The following KCNH1 variants were observed in gnomAD, a reference collection of about 807,000 sequenced individuals.
The protein encoded by KCNH1 is voltage-gated delayed rectifier potassium channel KCNH1.
KCNH1 carries 27 observed loss-of-function variants against 69.2 expected under a neutral mutation model. The ratio of observed to expected loss-of-function variants is 0.39; its 90% CI spans 0.29 to 0.54. The LOEUF is 0.54. KCNH1 is among the 20% of genes least tolerant of loss of function. KCNH1 has a pLI of 0.68. For synonymous variants in KCNH1, 456 were observed against 487.7 expected (o/e 0.93, Z 0.86); for missense variants, 798 against 1,261.6 (o/e 0.63, Z 5.57).
At chr1:211,065,441 G>C (rs1413057812) in intron 5 of KCNH1, among the ~76,000 whole-genome samples, 4 of 152,180 alleles carry the variant, frequency 2.6e-5, no homozygotes, top group South Asian at 4.1e-4. Context: ...AAGTTGAATA[G>C]AAGTAGAGAG....
At chr1:211,123,702 G>A (rs768190775) in intron 1 of KCNH1, among the ~76,000 whole-genome samples, 1 of 152,052 alleles carries the variant, frequency 6.6e-6, no homozygotes, top group African/African-American at 2.4e-5. Context: ...TGGGGCAAAG[G>A]CCAGGCCCAC....
At chr1:211,131,774 C>A (rs1691880205) in intron 1 of KCNH1, among the ~76,000 whole-genome samples, 1 of 152,112 alleles carries the variant, frequency 6.6e-6, no homozygotes. Flanking sequence ...AGATGAGAAC[C>A]ATTTATTCTG....
chr1:210,871,162 G>A (rs1355885398), intron 7 of KCNH1, among the ~76,000 whole-genome samples: 2 of 151,994 alleles, frequency 1.3e-5, no homozygotes, highest in African/African-American at 2.4e-5. Context: ...TCTGACAAAG[G>A]GCTAATATCC....
intron 9 of KCNH1, among the ~76,000 whole-genome samples, chr1:210,777,674 G>A (rs1683889030): frequency 6.6e-6 from 1 of 152,134 alleles, no homozygotes; most frequent in South Asian, 2.1e-4. Context: ...TGCCCACAAT[G>A]GCTCATGCAC....
chr1:210,818,193 GGAT>G (rs1462962618), intron 7 of KCNH1, among the ~76,000 whole-genome samples: 1 of 152,080 alleles, frequency 6.6e-6, no homozygotes, highest in Non-Finnish European at 1.5e-5. Flanking sequence ...AACTTGAAAT[GGAT>G]GATATTATAC....
At chr1:211,016,554 AG>A (rs2102412136) in intron 6 of KCNH1, among the ~76,000 whole-genome samples, 1 of 152,218 alleles carries the variant, frequency 6.6e-6, no homozygotes, top group East Asian at 1.9e-4. Context: ...TATTTTCCTA[AG>A]AAAAAAATTT....
At chr1:210,743,684 T>C (rs1395346962) in intron 10 of KCNH1, among the ~76,000 whole-genome samples, 1 of 152,190 alleles carries the variant, frequency 6.6e-6, no homozygotes, top group Non-Finnish European at 1.5e-5. Flanking sequence ...GTTTAAATAT[T>C]TCAACAGCCA....
At chr1:211,008,388 A>T (rs1689325003) in intron 6 of KCNH1, among the ~76,000 whole-genome samples, 1 of 152,224 alleles carries the variant, frequency 6.6e-6, no homozygotes, top group African/African-American at 2.4e-5. Flanking sequence ...TTTCAACAGA[A>T]TAATTATGCA....
At position 210,815,548 on chromosome 1, in the gene KCNH1, A is replaced by T. The variant is rs528205559; in HGVS notation, c.1463-11382T>A. ...ATTTTTTTCTCTTTCCCCACTTCTTACTTAGCCCTTTACAAATGTAAAAAT... is the reference window on the plus strand; with the variant it reads ...ATTTTTTTCTCTTTCCCCACTTCTTTCTTAGCCCTTTACAAATGTAAAAAT... On this transcript the variant is annotated intron_variant, in intron 7 of 10. Transcript: ENST00000271751. Among the ~76,000 whole-genome samples, 17 of 152,178 alleles carry T rather than the reference A, an allele frequency of 1.1e-4. No homozygotes were observed. The South Asian group carries it at 1.2e-3, about 11-fold the overall frequency.
intron 5 of KCNH1, among the ~76,000 whole-genome samples, chr1:211,052,822 G>A (rs1215189795): frequency 6.6e-6 from 1 of 152,180 alleles, no homozygotes; most frequent in East Asian, 1.9e-4. Flanking sequence ...CTGTGCATGT[G>A]TTCAATAAGT....
At chr1:211,130,778 T>G (rs1691861438) in intron 1 of KCNH1, among the ~76,000 whole-genome samples, 1 of 152,150 alleles carries the variant, frequency 6.6e-6, no homozygotes, top group South Asian at 2.1e-4. Context: ...AAAAGTGACT[T>G]GGTACTTTAT....
intron 6 of KCNH1, among the ~76,000 whole-genome samples, chr1:210,969,318 G>A (rs1240527789): frequency 6.6e-6 from 1 of 151,744 alleles, no homozygotes; most frequent in Non-Finnish European, 1.5e-5. Flanking sequence ...TCTATTACCT[G>A]AAAAACTTTA....
intron 6 of KCNH1, among the ~76,000 whole-genome samples, chr1:211,002,548 T>C (rs547492605): frequency 9.9e-5 from 15 of 152,154 alleles, no homozygotes; most frequent in African/African-American, 3.1e-4. Flanking sequence ...TTATTGAATG[T>C]AGACATTAAA....
chr1:211,061,631 G>GA (rs2102450168), intron 5 of KCNH1, among the ~76,000 whole-genome samples: 1 of 151,928 alleles, frequency 6.6e-6, no homozygotes, highest in Non-Finnish European at 1.5e-5. Flanking sequence ...TTGCAGGATA[G>GA]AAAATCAACA....
chr1:210,965,744 A>T (rs1381788663), intron 6 of KCNH1, among the ~76,000 whole-genome samples: 1 of 152,198 alleles, frequency 6.6e-6, no homozygotes, highest in Non-Finnish European at 1.5e-5. Flanking sequence ...GACATAAACA[A>T]ATTGAAAAAC....
At chr1:210,789,270 G>C (rs1029564152) in intron 9 of KCNH1, among the ~76,000 whole-genome samples, 1 of 152,140 alleles carries the variant, frequency 6.6e-6, no homozygotes, top group Non-Finnish European at 1.5e-5. Context: ...CAAGAATCTT[G>C]GGAAGCATCT....
intron 5 of KCNH1, among the ~76,000 whole-genome samples, chr1:211,068,762 A>G (rs888873058): frequency 6.6e-6 from 1 of 152,198 alleles, no homozygotes; most frequent in African/African-American, 2.4e-5. Flanking sequence ...AGCTAGAAAG[A>G]CAGACTGGTG....
At chr1:210,894,046 C>T (rs568967798) in intron 7 of KCNH1, among the ~76,000 whole-genome samples, 13 of 152,212 alleles carry the variant, frequency 8.5e-5, no homozygotes, top group South Asian at 2.1e-4. Context: ...AAACCTGTAA[C>T]GGTTGAGTCA....
intron 7 of KCNH1, among the ~76,000 whole-genome samples, chr1:210,879,851 G>T (rs1686458954): frequency 1.3e-5 from 2 of 151,964 alleles, no homozygotes; most frequent in Admixed American, 6.6e-5. Flanking sequence ...AAATCTGAAA[G>T]AACTGACAAA....
Sources: gnomAD v4.1 joint callset for allele counts (sites outside exome capture counted in the v4.1 genomes callset) on GRCh38, gnomAD v4.1.1 for gene constraint, MANE v1.5 for transcripts, NCBI Gene and HGNC (gene_info 2026-07-23, HGNC 2026-07-21) for gene names.